TMEM255A: variants seen among roughly 807,000 people sequenced by gnomAD.
The protein encoded by TMEM255A is transmembrane protein 255A.
Under a neutral mutation model 23.5 loss-of-function variants are expected in TMEM255A, and 14 were observed. The observed-to-expected ratio is 0.60, with a 90% CI of 0.39 to 0.93. The LOEUF is 0.93. Ranked by LOEUF, TMEM255A falls within the 40% of genes least tolerant of loss-of-function variation. The pLI is 0.00. For missense variants in TMEM255A, 233 were observed against 261.7 expected (o/e 0.89, Z 0.76); for synonymous variants, 104 against 100.3 (o/e 1.04, Z -0.22).
chrX:120,277,839 C>T (rs1556020129), intron 6 of TMEM255A, among the ~76,000 whole-genome samples: 2 of 112,099 alleles, frequency 1.8e-5, no homozygotes, highest in African/African-American at 6.5e-5. Context: ...CCTTTCTTGA[C>T]CACTCTGTCC....
chrX:120,292,210 T>C (rs1432693208), intron 3 of TMEM255A, among the ~76,000 whole-genome samples: 2 of 111,255 alleles, frequency 1.8e-5, no homozygotes, highest in African/African-American at 6.6e-5. Flanking sequence ...TATTCTCTAA[T>C]TGTGTTAGAT....
At chrX:120,261,063 T>G in intron 8 of TMEM255A, 35 bp from the exon 9 acceptor site, 1 of 1,177,523 alleles carries the variant, frequency 8.5e-7, no homozygotes, top group Non-Finnish European at 1.1e-6. Flanking sequence ...GTTTAGGCAG[T>G]GAGTTTGCAA....
chrX:120,309,309 G>A (rs1418411826), intron 1 of TMEM255A, among the ~76,000 whole-genome samples: 1 of 113,289 alleles, frequency 8.8e-6, no homozygotes, highest in Non-Finnish European at 1.9e-5. Context: ...GCTGGGCGAA[G>A]CCCACTCAGC....
At chrX:120,280,159 T>C (rs1469881205) in intron 6 of TMEM255A, among the ~76,000 whole-genome samples, 1 of 107,869 alleles carries the variant, frequency 9.3e-6, no homozygotes, top group Non-Finnish European at 1.9e-5. Flanking sequence ...CACACTGCCA[T>C]GCCCAGCTAA....
chrX:120,308,419 GTGT>G (rs1341817323), intron 1 of TMEM255A, among the ~76,000 whole-genome samples: 2 of 112,152 alleles, frequency 1.8e-5, no homozygotes, highest in Non-Finnish European at 3.8e-5. Context: ...CCTGTACACG[GTGT>G]TGTTGATGCC....
At chrX:120,285,343 T>C (rs1381456693) in intron 5 of TMEM255A, 128 bp from the exon 6 acceptor site, 9 of 657,913 alleles carry the variant, frequency 1.4e-5, no homozygotes, top group Admixed American at 9.9e-5. Context: ...ACCCAATGTG[T>C]GGGAAGGATG....
chrX:120,292,745 G>A (rs1180614452), intron 3 of TMEM255A, among the ~76,000 whole-genome samples: 2 of 106,787 alleles, frequency 1.9e-5, no homozygotes, highest in Non-Finnish European at 3.9e-5. Flanking sequence ...GGGCGACAGA[G>A]CAAGACTCCA....
chrX:120,298,203 G>A (rs1430870338), intron 2 of TMEM255A, among the ~76,000 whole-genome samples: 1 of 111,095 alleles, frequency 9.0e-6, no homozygotes, highest in Non-Finnish European at 1.9e-5. Context: ...CACTGTCCCA[G>A]ACATCTAGGA....
intron 3 of TMEM255A, 117 bp from the exon 4 acceptor site, chrX:120,291,457 G>T: frequency 1.7e-6 from 1 of 576,651 alleles, no homozygotes; most frequent in Non-Finnish European, 2.8e-6. Context: ...ACCACCCCAT[G>T]GGAATGCTCT....
In TMEM255A at chrX:120,289,195, A is replaced by G. The variant is rs182565771; in HGVS notation, c.355-1973T>C. Among the ~76,000 whole-genome samples the G allele has an allele frequency of 2.1e-4, 23 of 111,965 alleles. 1 individual carries two copies. The highest frequency in any genetic ancestry group is 2.3e-4 in the Non-Finnish European group (12 of 53,178). On this transcript the variant is annotated intron_variant, in intron 4 of 8. Coordinates refer to ENST00000371369, the MANE Select transcript of TMEM255A (RefSeq NM_001104544.3). ...CTTCCTCAAAGCTCTCTGGGTGTCAATGAGGACTAGCCAATGTCTTAGGGC... is the reference window on the plus strand; with the variant it reads ...CTTCCTCAAAGCTCTCTGGGTGTCAGTGAGGACTAGCCAATGTCTTAGGGC...
chrX:120,297,880 G>A (rs1422506406), intron 2 of TMEM255A, among the ~76,000 whole-genome samples: 11 of 110,700 alleles, frequency 9.9e-5, no homozygotes, highest in African/African-American at 3.3e-4. Flanking sequence ...AAGAGCTGAG[G>A]GGTTGAAAAT....
At chrX:120,303,336 T>C (rs1480120526) in intron 2 of TMEM255A, among the ~76,000 whole-genome samples, 1 of 111,319 alleles carries the variant, frequency 9.0e-6, no homozygotes, top group Admixed American at 9.6e-5. Flanking sequence ...TCAGGTGAAC[T>C]ATCCTTCTGG....
chrX:120,307,433 G>A (rs2058071789), intron 1 of TMEM255A, among the ~76,000 whole-genome samples: 1 of 111,925 alleles, frequency 8.9e-6, no homozygotes, highest in African/African-American at 3.3e-5. Context: ...TTAGTAAAGT[G>A]ACACGTAAAA....
chrX:120,303,856 A>C (rs781908597), intron 2 of TMEM255A, among the ~76,000 whole-genome samples: 46 of 111,658 alleles, frequency 4.1e-4, no homozygotes, highest in Non-Finnish European at 7.0e-4. Flanking sequence ...GTATATATAT[A>C]ATTTATAAGT....
At chrX:120,254,836 A>T, downstream of TMEM255A, 1 of 1,212,098 alleles carries the variant, frequency 8.3e-7, no homozygotes, top group Non-Finnish European at 1.1e-6. Flanking sequence ...ATGGCAAACA[A>T]ACGTATGAAA....
intron 6 of TMEM255A, among the ~76,000 whole-genome samples, chrX:120,284,523 T>TGTGCAC (rs1158901327): frequency 9.4e-6 from 1 of 105,942 alleles, no homozygotes; most frequent in Non-Finnish European, 1.9e-5. Context: ...TGTGCGTGCA[T>TGTGCAC]GTGCACGTGC....
rs1247847325 is a variant in TMEM255A at position 120,259,138 on chromosome X, G to A, written c.*1732C>T. 8.9e-6 allele frequency: 1 copy of A among 112,313 alleles called. No homozygotes were observed. The allele number at this position is 112,313 out of a possible 1,213,427, so 9.3% of individuals were successfully genotyped here. On this transcript the variant is annotated 3_prime_UTR_variant, in exon 9 of 9. Coordinates refer to ENST00000371369, the MANE Select transcript of TMEM255A (RefSeq NM_001104544.3). ...AATATGGACATTCACTAAAGCCAAC[G>A]GTCAAATGTAAATGGCAAAAAAATT...
In TMEM255A at chrX:120,287,152, ACCT is replaced by A; in HGVS notation, c.422_423+1del. ...AAGACATGCAGCCTCATTCTGGCTCACCTCCTCAGCTTCCTTCTGTGATGTCTT... is the reference window on the plus strand; with the variant it reads ...AAGACATGCAGCCTCATTCTGGCTCACCTCAGCTTCCTTCTGTGATGTCTT... On this transcript the variant is annotated splice_donor_variant and coding_sequence_variant, in exon 5 of 9. Coordinates refer to ENST00000371369, the MANE Select transcript of TMEM255A (RefSeq NM_001104544.3). LOFTEE classifies it high-confidence loss of function. 8.3e-7 allele frequency: 1 copy of A among 1,208,040 alleles called. No individual in the cohort carries two copies. The highest frequency in any genetic ancestry group is 1.7e-5 in the African/African-American group (1 of 57,677).
chrX:120,302,904 C>CCTCT (rs57553153), intron 2 of TMEM255A, among the ~76,000 whole-genome samples: 6 of 107,886 alleles, frequency 5.6e-5, no homozygotes, highest in Admixed American at 3.0e-4. Context: ...CCAATCCCCA[C>CCTCT]CTCTCTCTCT....
Sources: allele counts gnomAD v4.1 joint callset (sites outside exome capture counted in the v4.1 genomes callset), GRCh38; gene constraint gnomAD v4.1.1; transcripts MANE v1.5; gene names NCBI Gene and HGNC (gene_info 2026-07-23, HGNC 2026-07-21).